Variants in ACACA observed in about 807,000 individuals in gnomAD.
The protein encoded by ACACA is acetyl-CoA carboxylase 1.
A neutral mutation model predicts 296.1 loss-of-function variants in ACACA; 103 were observed. The ratio of observed to expected loss-of-function variants is 0.35; its 90% confidence interval spans 0.30 to 0.41. The LOEUF (loss-of-function observed/expected upper bound fraction) is 0.41, where lower values mean the gene tolerates loss of function less well. ACACA is among the 10% of genes least tolerant of loss of function. The pLI is 1.00. For missense variants in ACACA, 1,554 were observed against 2,989.7 expected, an observed-to-expected ratio of 0.52 and a Z score of 11.20; for synonymous variants, 953 against 1,038.6, an observed-to-expected ratio of 0.92 and a Z score of 1.58.
At chr17:37,266,594 T>A (rs1178282970) in intron 10 of ACACA, among the ~76,000 whole-genome samples, 1 of 152,152 alleles carries the variant, frequency 6.6e-6, no homozygotes, top group East Asian at 1.9e-4. Context: ...CTCTGAGGCA[T>A]TTTTTACTTT....
intron 2 of ACACA, among the ~76,000 whole-genome samples, chr17:37,334,475 T>TC (rs1406088026): frequency 1.3e-5 from 2 of 152,076 alleles, no homozygotes; most frequent in African/African-American, 4.8e-5. Flanking sequence ...AGCCATTTTA[T>TC]CTACCCTAAC....
At chr17:37,337,524 G>A (rs540033315) in intron 2 of ACACA, among the ~76,000 whole-genome samples, 15 of 151,756 alleles carry the variant, frequency 9.9e-5, no homozygotes, top group Middle Eastern at 3.4e-3. Flanking sequence ...CACGATCCTC[G>A]TTCACTGCAG....
chr17:37,152,042 G>A (rs1410560201), intron 43 of ACACA, among the ~76,000 whole-genome samples: 4 of 148,938 alleles, frequency 2.7e-5, no homozygotes, highest in African/African-American at 7.4e-5. Flanking sequence ...TGATCCACCC[G>A]CCTCGGCCTC....
At chr17:37,259,329 A>G (rs767982461) in intron 12 of ACACA, 31 bp downstream of exon 12, 2 of 1,613,650 alleles carry the variant, frequency 1.2e-6, no homozygotes, top group Non-Finnish European at 1.7e-6. Flanking sequence ...TGACTTTTCT[A>G]GGCTCTGCAA....
intron 29 of ACACA, among the ~76,000 whole-genome samples, chr17:37,212,369 A>C (rs1252383150): frequency 6.6e-6 from 1 of 152,192 alleles, no homozygotes; most frequent in African/African-American, 2.4e-5. Context: ...GCAACTCTCA[A>C]GCTCCTATAG....
Position 37,395,731 on chromosome 17 carries a change from C to T in ACACA, c.38+10531G>A, listed in dbSNP as rs958232269. Among the ~76,000 whole-genome samples the T allele has an allele frequency of 4.6e-5, 7 of 151,916 alleles. No individual in the cohort carries two copies. The East Asian group carries it at 5.9e-4, about 13-fold the overall frequency. On this transcript the variant is annotated intron_variant, in intron 1 of 55. Coordinates refer to ENST00000616317, the MANE Select transcript of ACACA (RefSeq NM_198834.3). Reference sequence around the variant, plus strand: ...CTAATTTTTGTATTTTTAGTAGAGACGAGGTTTCACCATGTTGGTCAGGCT... The same window carrying T: ...CTAATTTTTGTATTTTTAGTAGAGATGAGGTTTCACCATGTTGGTCAGGCT...
At chr17:37,221,899 G>A in intron 28 of ACACA, 57 bp from the exon 29 acceptor site, 1 of 1,468,304 alleles carries the variant, frequency 6.8e-7, no homozygotes, top group Non-Finnish European at 9.5e-7. Flanking sequence ...TAAGAAAATA[G>A]CCCAGAAAAA....
intron 2 of ACACA, among the ~76,000 whole-genome samples, chr17:37,331,188 A>G (rs2047865555): frequency 6.8e-6 from 1 of 147,160 alleles, no homozygotes; most frequent in African/African-American, 2.5e-5. Flanking sequence ...TGCGACTGCC[A>G]CTCACTGCAA....
At chr17:37,299,220 G>A in intron 3 of ACACA, 1 of 1,532,920 alleles carries the variant, frequency 6.5e-7, no homozygotes. Flanking sequence ...TTAGCTGTCA[G>A]TACCTTACTG....
At position 37,205,976 on chromosome 17, in the gene ACACA, C is replaced by T. The variant is rs2078481435; in HGVS notation, c.3949-104G>A. The T allele has an allele frequency of 3.0e-6, 3 of 1,014,872 alleles. No homozygotes were observed. The South Asian group carries it at 3.9e-5, about 13-fold the overall frequency. The allele number at this position is 1,014,872 out of a possible 1,614,324, so 62.9% of individuals were successfully genotyped here. A position where few individuals can be genotyped will look rare whatever the true frequency, so the allele number is the denominator to read the frequency against. On this transcript the variant is annotated intron_variant, in intron 32 of 55. Coordinates refer to ENST00000616317, the MANE Select transcript of ACACA (RefSeq NM_198834.3). ...GAATACCTGAAAAAGAGATACACCCCACAGGATATTTTGGTTTGCCCAGCA... is the reference window on the plus strand; with the variant it reads ...GAATACCTGAAAAAGAGATACACCCTACAGGATATTTTGGTTTGCCCAGCA...
In ACACA at chr17:37,097,489, T is replaced by C. The variant is rs1237378162; in HGVS notation, c.6721-323A>G. On this transcript the variant is annotated intron_variant, in intron 53 of 55. Coordinates refer to ENST00000616317, the MANE Select transcript of ACACA (RefSeq NM_198834.3). This position sits in a 1 kb window ranked among gnomAD's most constrained non-coding sequence, Gnocchi z 4.8. ...GTTTTGAGAAGATGGATCAAACAAC[T>C]TGCAGATCAATTATTAATTAGCTGC... Among the ~76,000 whole-genome samples, 1 of 152,206 alleles carries C rather than the reference T, an allele frequency of 6.6e-6. No individual in the cohort carries two copies.
intron 5 of ACACA, 97 bp from the exon 6 acceptor site, chr17:37,278,102 G>A: frequency 1.1e-6 from 1 of 871,746 alleles, no homozygotes; most frequent in Non-Finnish European, 1.9e-6. Context: ...ACTATCATAA[G>A]TAACCACAGG....
chr17:37,094,432 T>A (rs1266182), intron 54 of ACACA, among the ~76,000 whole-genome samples: 78,256 of 152,018 alleles, frequency 0.51, 22,057 homozygotes, highest in East Asian at 0.76. Flanking sequence ...GATGCCTATC[T>A]CGAAATGTCT....
chr17:37,183,848 C>CTTTT (rs775286104), intron 39 of ACACA, among the ~76,000 whole-genome samples: 4 of 120,064 alleles, frequency 3.3e-5, no homozygotes, highest in South Asian at 2.6e-4. Context: ...AGTTTCAGTC[C>CTTTT]TTTTTTTTTT....
chr17:37,268,743 A>ATATATATATATATATATATATATATATC (rs2081926439), intron 10 of ACACA, among the ~76,000 whole-genome samples: 2 of 102,046 alleles, frequency 2.0e-5, no homozygotes, highest in East Asian at 5.9e-4. Flanking sequence ...CTATCTATCT[A>ATATATATATATATATATATATATATATC]TATATATATA....
At chr17:37,338,005 G>T (rs1162070869) in intron 2 of ACACA, among the ~76,000 whole-genome samples, 1 of 151,934 alleles carries the variant, frequency 6.6e-6, no homozygotes, top group East Asian at 1.9e-4. Context: ...GCTGAGGCAG[G>T]AGTATGGCGT....
chr17:37,185,306 C>T (rs1463443843), intron 39 of ACACA, among the ~76,000 whole-genome samples: 1 of 151,206 alleles, frequency 6.6e-6, no homozygotes, highest in Non-Finnish European at 1.5e-5. Flanking sequence ...AATCATAGCT[C>T]ATTGCAGCCT....
intron 52 of ACACA, among the ~76,000 whole-genome samples, chr17:37,100,593 A>G (rs2073301565): frequency 6.6e-6 from 1 of 151,932 alleles, no homozygotes; most frequent in Non-Finnish European, 1.5e-5. Context: ...AATGAATTTC[A>G]ATGTATGCTC....
intron 3 of ACACA, among the ~76,000 whole-genome samples, chr17:37,316,226 T>C (rs1424739977): frequency 6.6e-6 from 1 of 151,864 alleles, no homozygotes; most frequent in Non-Finnish European, 1.5e-5. Flanking sequence ...AGTCAATGAC[T>C]TGTAATTGCC....
Sources: gnomAD v4.1 joint callset for allele counts (sites outside exome capture counted in the v4.1 genomes callset) on GRCh38, gnomAD v4.1.1 for gene constraint, Gnocchi (gnomAD v3.1) non-coding constraint, MANE v1.5 for transcripts, NCBI Gene and HGNC (gene_info 2026-07-23, HGNC 2026-07-21) for gene names.